SAMSN1: variants seen among roughly 807,000 people sequenced by gnomAD.
The protein encoded by SAMSN1 is SAM domain, SH3 domain and nuclear localization signals 1, also known as SAM domain-containing protein SAMSN-1.
SAMSN1 carries 31 observed loss-of-function variants against 42.0 expected under a neutral mutation model. The ratio of observed to expected loss-of-function variants is 0.74; its 90% CI spans 0.55 to 1.00. The LOEUF (loss-of-function observed/expected upper bound fraction) is 1.00. SAMSN1 is among the 50% of genes least tolerant of loss of function. The probability of loss-of-function intolerance (pLI) is 0.00; values close to 1 mark genes in which losing one functional copy is unlikely to be tolerated. For missense variants in SAMSN1, 464 were observed against 439.4 expected, an observed-to-expected ratio of 1.06 and a Z score of -0.50; for synonymous variants, 178 against 151.9, an observed-to-expected ratio of 1.17 and a Z score of -1.26.
rs1986403215 is a variant in SAMSN1 at position 14,485,699 on chromosome 21, A to G, written c.*213T>C. 7.0e-6 allele frequency: 3 copies of G among 427,988 alleles called. No homozygotes were observed. The South Asian group carries it at 1.1e-4, about 16-fold the overall frequency. 26.5% of individuals were successfully genotyped at this position (427,988 alleles called of 1,614,324 possible). On this transcript the variant is annotated 3_prime_UTR_variant, in exon 8 of 8. Coordinates refer to ENST00000400566, the MANE Select transcript of SAMSN1 (RefSeq NM_022136.5). ...TAATACAAGCAAGTGAAATATTAAC[A>G]CATAGCATTTAAAATAATAAATATA...
intron 7 of SAMSN1, among the ~76,000 whole-genome samples, chr21:14,488,958 T>G (rs1986560025): frequency 6.6e-6 from 1 of 152,146 alleles, no homozygotes; most frequent in African/African-American, 2.4e-5. Context: ...CGCATTCACT[T>G]TTGTATTTGG....
chr21:14,569,528 A>G (rs534056969), intron 2 of SAMSN1, among the ~76,000 whole-genome samples: 1 of 151,854 alleles, frequency 6.6e-6, no homozygotes, highest in Non-Finnish European at 1.5e-5. Context: ...TTTTTCCCAG[A>G]TTTTTTCTGT....
intron 3 of SAMSN1, among the ~76,000 whole-genome samples, chr21:14,515,196 G>A (rs559244513): frequency 2.0e-5 from 3 of 152,240 alleles, no homozygotes; most frequent in East Asian, 1.9e-4. Context: ...CACTACTGAC[G>A]GCGACAGCTA....
chr21:14,616,425 T>A (rs1427639916), intron 2 of SAMSN1, among the ~76,000 whole-genome samples: 1 of 152,142 alleles, frequency 6.6e-6, no homozygotes, highest in Non-Finnish European at 1.5e-5. Flanking sequence ...CATACCTGGG[T>A]GTGTTAGTTG....
intron 5 of SAMSN1, among the ~76,000 whole-genome samples, chr21:14,605,276 T>A (rs1414632192): frequency 6.6e-6 from 1 of 152,210 alleles, no homozygotes; most frequent in Non-Finnish European, 1.5e-5. Context: ...GTCTAAGTGG[T>A]CTCATCGTTG....
rs554974533 is a variant in SAMSN1 at position 14,590,299 on chromosome 21, C to A, written c.465+3714G>T. 1.3e-4 allele frequency among the ~76,000 whole-genome samples: 20 copies of A among 150,876 alleles called. No individual in the cohort carries two copies. In the South Asian group the frequency reaches 4.1e-3, roughly 31 times the overall value. On this transcript the variant is annotated intron_variant, in intron 7 of 15. Transcript: ENST00000647101. The stretch of plus-strand genomic sequence containing the variant: ...TTCTTTTAAGACACAGGGTCTTGGT[C>A]TTGCTCTGTCCACCAAGCTGGAGGC...
At chr21:14,657,919 A>ATGTGCTCTCTACTGCTT (rs1250488786) in intron 1 of SAMSN1, among the ~76,000 whole-genome samples, 5 of 151,818 alleles carry the variant, frequency 3.3e-5, no homozygotes, top group Admixed American at 2.6e-4. Flanking sequence ...TGCTTATGTT[A>ATGTGCTCTCTACTGCTT]ATCTTATGTG....
chr21:14,617,059 C>T (rs1343955101), intron 2 of SAMSN1, among the ~76,000 whole-genome samples: 1 of 152,098 alleles, frequency 6.6e-6, no homozygotes, highest in Admixed American at 6.5e-5. Flanking sequence ...GCTAAAACCC[C>T]ACACACTGAA....
intron 7 of SAMSN1, among the ~76,000 whole-genome samples, chr21:14,593,540 T>G (rs2123278825): frequency 6.6e-6 from 1 of 152,008 alleles, no homozygotes; most frequent in South Asian, 2.1e-4. Context: ...CAGAGATACT[T>G]TTTAAAAAAT....
At chr21:14,568,478 G>A (rs1439087358) in intron 2 of SAMSN1, among the ~76,000 whole-genome samples, 3 of 152,094 alleles carry the variant, frequency 2.0e-5, no homozygotes, top group South Asian at 2.1e-4. Flanking sequence ...TACTAAGTTC[G>A]GAAATATTTT....
chr21:14,490,152 G>T (rs916885555), intron 7 of SAMSN1, among the ~76,000 whole-genome samples: 2 of 152,110 alleles, frequency 1.3e-5, no homozygotes, highest in African/African-American at 4.8e-5. Context: ...TTCTTTGGGT[G>T]AAGTACTGTA....
At position 14,488,895 on chromosome 21, in the gene SAMSN1, G is replaced by C. The variant is rs570305108; in HGVS notation, c.920-2781C>G. Reference sequence around the variant, plus strand: ...AGGTGATCAGCTGGAACTCTCAACTGTAACTATAAAAAGGCAGGTCATTAT... The same window carrying C: ...AGGTGATCAGCTGGAACTCTCAACTCTAACTATAAAAAGGCAGGTCATTAT... On this transcript the variant is annotated intron_variant, in intron 7 of 7. Transcript: ENST00000400566. Among the ~76,000 whole-genome samples, 11 of 152,260 alleles carry C rather than the reference G, an allele frequency of 7.2e-5. No homozygotes were observed. The South Asian group carries it at 2.3e-3, about 32-fold the overall frequency.
chr21:14,587,714 A>G (rs1981959209), upstream of SAMSN1, among the ~76,000 whole-genome samples: 1 of 151,736 alleles, frequency 6.6e-6, no homozygotes, highest in Non-Finnish European at 1.5e-5. Flanking sequence ...TATGTATTTA[A>G]AACAATTTTT....
intron 1 of SAMSN1, among the ~76,000 whole-genome samples, chr21:14,528,787 C>T (rs1600899028): frequency 6.6e-6 from 1 of 152,074 alleles, no homozygotes; most frequent in Admixed American, 6.5e-5. Context: ...TCTAAAGTAC[C>T]ATGTCTCATC....
chr21:14,516,092 AC>A (rs1248881173), intron 3 of SAMSN1, among the ~76,000 whole-genome samples: 1 of 152,268 alleles, frequency 6.6e-6, no homozygotes, highest in Non-Finnish European at 1.5e-5. Flanking sequence ...GCTTAAAAAA[AC>A]AATTTGCCAG....
rs141457615 is a variant in SAMSN1, at chr21:14,580,946, G to A, written c.261+1190C>T. Among the ~76,000 whole-genome samples the A allele has an allele frequency of 2.5e-4, 38 of 151,394 alleles. No individual in the cohort carries two copies. The East Asian group carries it at 7.0e-3, about 28-fold the overall frequency. On this transcript the variant is annotated intron_variant, in intron 2 of 8. Coordinates refer to the SAMSN1 transcript ENST00000285670. The stretch of plus-strand genomic sequence containing the variant: ...AAACATGCCTTGAGCAATTTACAAG[G>A]AAATTGAAAAAAAAGTACCACTCTT...
intron 5 of SAMSN1, among the ~76,000 whole-genome samples, chr21:14,608,471 G>A (rs1047685581): frequency 6.6e-5 from 10 of 152,154 alleles, no homozygotes; most frequent in African/African-American, 2.4e-4. Context: ...GCACTTTGGG[G>A]TCCTAAGTAA....
chr21:14,591,857 A>T (rs903348076), intron 7 of SAMSN1: 4 of 152,274 alleles, frequency 2.6e-5, no homozygotes, highest in African/African-American at 9.6e-5. Flanking sequence ...CTGGTTTTGG[A>T]ATAACATGCC....
chr21:14,513,372 A>T (rs140932152), intron 3 of SAMSN1, among the ~76,000 whole-genome samples: 1 of 152,246 alleles, frequency 6.6e-6, no homozygotes, highest in East Asian at 1.9e-4. Flanking sequence ...TTCTTTTTTG[A>T]TTCAGTCATT....
Sources: allele counts gnomAD v4.1 joint callset (sites outside exome capture counted in the v4.1 genomes callset), GRCh38; gene constraint gnomAD v4.1.1; transcripts MANE v1.5; gene names NCBI Gene and HGNC (gene_info 2026-07-23, HGNC 2026-07-21).